MYO3A: variants seen among roughly 807,000 people sequenced by gnomAD.
MYO3A encodes myosin IIIA, also known as myosin-IIIa.
A neutral mutation model predicts 192.7 loss-of-function variants in MYO3A; 180 were observed. The ratio of observed to expected loss-of-function variants is 0.93; its 90% CI spans 0.83 to 1.06. MYO3A has a LOEUF of 1.06. Ranked by LOEUF, MYO3A falls within the 50% of genes least tolerant of loss-of-function variation. The probability of loss-of-function intolerance (pLI) is 0.00; values close to 1 mark genes in which losing one functional copy is unlikely to be tolerated. For synonymous variants in MYO3A, 628 were observed against 645.3 expected (o/e 0.97, Z 0.41); for missense variants, 1,896 against 1,905.0 (o/e 1.00, Z 0.09).
chr10:25,946,341 T>G (rs1836826451), intron 2 of MYO3A, among the ~76,000 whole-genome samples: 1 of 152,130 alleles, frequency 6.6e-6, no homozygotes, highest in Non-Finnish European at 1.5e-5. Context: ...TTTCTCATTT[T>G]TGAAGGATAG....
chr10:26,056,371 T>C (rs1159630573), intron 10 of MYO3A, among the ~76,000 whole-genome samples: 4 of 152,140 alleles, frequency 2.6e-5, no homozygotes, highest in African/African-American at 7.2e-5. Context: ...ATATACATAA[T>C]GGGAATACCA....
chr10:26,178,310 A>G (rs539343730), intron 31 of MYO3A, among the ~76,000 whole-genome samples: 105 of 152,312 alleles, frequency 6.9e-4, no homozygotes, highest in African/African-American at 2.5e-3. Flanking sequence ...AGAGGTCGCC[A>G]CCAAGATTTT....
Position 26,120,907 on chromosome 10 carries a change from C to A in MYO3A, c.1903+105C>A, listed in dbSNP as rs2275727. On this transcript the variant is annotated intron_variant, in intron 18 of 34. Coordinates refer to ENST00000642920, the MANE Select transcript of MYO3A (RefSeq NM_017433.5). ...TCAAGCAATTGTGCTAACCTAGAAT[C>A]CTTAAAAGAATACTCAGATTTAATG... is the stretch of plus-strand genomic sequence containing the variant. 212,875 of 1,401,690 alleles carry A rather than the reference C, an allele frequency of 0.15. 17,739 individuals carry two copies. Among genetic ancestry groups the A allele is most frequent in the East Asian group, 0.33 (13,887 of 41,876 alleles). The allele number at this position is 1,401,690 out of a possible 1,614,324, so 86.8% of individuals were successfully genotyped here. A position where few individuals can be genotyped will look rare whatever the true frequency, so the allele number is the denominator to read the frequency against.
At chr10:25,952,004 G>T in intron 2 of MYO3A, 90 bp from the exon 3 acceptor site, 1 of 943,662 alleles carries the variant, frequency 1.1e-6, no homozygotes, top group Non-Finnish European at 1.7e-6. Context: ...TATCATATCA[G>T]TGAAAATATT....
intron 17 of MYO3A, among the ~76,000 whole-genome samples, chr10:26,106,575 T>G (rs1471154239): frequency 6.6e-6 from 1 of 152,066 alleles, no homozygotes; most frequent in African/African-American, 2.4e-5. Context: ...GGCCTCTGAG[T>G]CTAGTTTCTG....
At position 26,202,900 on chromosome 10, in the gene MYO3A, C is replaced by T. The variant is rs1843739742; in HGVS notation, c.4587-64C>T. Reference sequence around the variant, plus strand: ...ATACTTTTAAAGAAAAAAAAGTATCCTGTAAGTTTAAGTGAGTAGAAAATT... The same window carrying T: ...ATACTTTTAAAGAAAAAAAAGTATCTTGTAAGTTTAAGTGAGTAGAAAATT... On this transcript the variant is annotated intron_variant, in intron 33 of 34. Coordinates refer to ENST00000642920, the MANE Select transcript of MYO3A (RefSeq NM_017433.5). 3 of 1,565,738 alleles carry T rather than the reference C, an allele frequency of 1.9e-6. 1 individual carries two copies. The South Asian group carries it at 3.4e-5, about 18-fold the overall frequency.
chr10:26,135,402 G>A (rs1839789927), intron 20 of MYO3A, among the ~76,000 whole-genome samples: 1 of 151,718 alleles, frequency 6.6e-6, no homozygotes, highest in Non-Finnish European at 1.5e-5. Context: ...TGTTGGATTA[G>A]AAAGAAGGAA....
intron 34 of MYO3A, among the ~76,000 whole-genome samples, chr10:26,205,350 A>G (rs1255298780): frequency 6.6e-6 from 1 of 151,840 alleles, no homozygotes; most frequent in East Asian, 1.9e-4. Context: ...AAATCTCTTG[A>G]ATTTATTCCT....
chr10:26,029,752 A>T lies in MYO3A; in HGVS notation c.953+3220A>T, dbSNP rs1425979859. Among the ~76,000 whole-genome samples, 4 of 151,960 alleles carry T rather than the reference A, an allele frequency of 2.6e-5. No homozygotes were observed. In the South Asian group the frequency reaches 8.3e-4, roughly 32 times the overall value. The stretch of plus-strand genomic sequence containing the variant: ...CATACTTTTTAACAGTAACTCTCAG[A>T]TTTGCATTTCAACACAGGTGAATTG... On this transcript the variant is annotated intron_variant, in intron 10 of 34. Coordinates refer to ENST00000642920, the MANE Select transcript of MYO3A (RefSeq NM_017433.5).
chr10:26,118,418 A>G (rs1043886544), intron 17 of MYO3A, among the ~76,000 whole-genome samples: 1 of 151,996 alleles, frequency 6.6e-6, no homozygotes, highest in East Asian at 1.9e-4. Context: ...ACATCCATTT[A>G]CTTCTTTCCA....
chr10:26,046,313 C>T (rs1260501283), intron 10 of MYO3A, among the ~76,000 whole-genome samples: 1 of 152,178 alleles, frequency 6.6e-6, no homozygotes, highest in Non-Finnish European at 1.5e-5. Context: ...CTATTGGTGT[C>T]TGTTGCAAAA....
At chr10:26,165,214 C>T (rs906847609) in intron 26 of MYO3A, among the ~76,000 whole-genome samples, 2 of 152,120 alleles carry the variant, frequency 1.3e-5, no homozygotes, top group Non-Finnish European at 2.9e-5. Context: ...AAGGGTAAAA[C>T]TCTGCTCTGC....
chr10:26,134,803 A>G (rs1426035933), intron 20 of MYO3A, among the ~76,000 whole-genome samples: 1 of 152,132 alleles, frequency 6.6e-6, no homozygotes, highest in African/African-American at 2.4e-5. Context: ...ATTTTTGTCA[A>G]TGGTTAGAAT....
chr10:26,046,145 G>A (rs1843627094), intron 10 of MYO3A, among the ~76,000 whole-genome samples: 1 of 152,124 alleles, frequency 6.6e-6, no homozygotes, highest in Non-Finnish European at 1.5e-5. Flanking sequence ...CTGATTTATA[G>A]CGTTGGTCAG....
intron 25 of MYO3A, 93 bp from the exon 26 acceptor site, chr10:26,157,217 T>C: frequency 8.8e-7 from 1 of 1,132,444 alleles, no homozygotes; most frequent in Non-Finnish European, 1.3e-6. Flanking sequence ...CATTCATTTT[T>C]TGAATGTTAT....
chr10:26,035,493 T>C (rs142816480), intron 10 of MYO3A, among the ~76,000 whole-genome samples: 74 of 152,352 alleles, frequency 4.9e-4, no homozygotes, highest in Middle Eastern at 6.8e-3. Flanking sequence ...AGAACCATCA[T>C]GCAATCTGCC....
In MYO3A at chr10:26,080,925, A is replaced by G. The variant is rs1239822709; in HGVS notation, c.1360-7278A>G. 2.0e-5 allele frequency among the ~76,000 whole-genome samples: 3 copies of G among 152,226 alleles called. No homozygotes were observed. In the East Asian group the frequency reaches 5.8e-4, roughly 29 times the overall value. ...TAAACCATCTATGGGTCTCTCAGCC[A>G]TGGATACCAGCACGTGTTCTGGTGG... On this transcript the variant is annotated intron_variant, in intron 14 of 34. Transcript: ENST00000642920.
chr10:25,974,475 G>T (rs1038343100), intron 4 of MYO3A, among the ~76,000 whole-genome samples: 69 of 152,078 alleles, frequency 4.5e-4, no homozygotes, highest in Admixed American at 1.1e-3. Context: ...GAACCACTGC[G>T]GAGAGCTTTG....
At chr10:26,116,635 C>T (rs1009860850) in intron 17 of MYO3A, among the ~76,000 whole-genome samples, 2 of 152,130 alleles carry the variant, frequency 1.3e-5, no homozygotes, top group Admixed American at 6.5e-5. Context: ...GGATTATGAG[C>T]TGAGACTAAA....
Sources: gnomAD v4.1 joint callset for allele counts (sites outside exome capture counted in the v4.1 genomes callset) on GRCh38, gnomAD v4.1.1 for gene constraint, MANE v1.5 for transcripts, NCBI Gene and HGNC (gene_info 2026-07-23, HGNC 2026-07-21) for gene names.